The following KLHL30 variants were observed in gnomAD, a reference collection of about 807,000 sequenced individuals.
The protein encoded by KLHL30 is kelch like family member 30.
KLHL30 carries 55 observed loss-of-function variants against 55.0 expected under a neutral mutation model. The ratio of observed to expected loss-of-function variants is 1.00; its 90% CI spans 0.80 to 1.25. KLHL30 has a LOEUF of 1.25. Ranked by LOEUF, KLHL30 falls within the 50% of genes most tolerant of loss-of-function variation. KLHL30 has a pLI of 0.00. For missense variants in KLHL30, 786 were observed against 811.6 expected (o/e 0.97, Z 0.38); for synonymous variants, 356 against 372.6 (o/e 0.96, Z 0.51).
intron 3 of KLHL30, 37 bp from the exon 4 acceptor site, chr2:238,144,857 AGGGAGCCT>A (rs1322913683): frequency 6.8e-7 from 1 of 1,459,936 alleles, no homozygotes; most frequent in Non-Finnish European, 9.5e-7. Flanking sequence ...CCACCCCAGC[AGGGAGCCT>A]GGCAGCCTGA....
In KLHL30 at chr2:238,144,936, T is replaced by C; in HGVS notation, c.942T>C (p.Tyr314=). Reference sequence around the variant, plus strand: ...TGGCACTTCCAGACTTCCCCGACTATCACAAGTGGGGTTTCTCCCTGGCGG... The same window carrying C: ...TGGCACTTCCAGACTTCCCCGACTACCACAAGTGGGGTTTCTCCCTGGCGG... ...RWMALPDFPD[Y]HKWGFSLAAL... Residue 314 remains tyrosine (Y), a synonymous_variant, in exon 4 of 8, where the codon TAT becomes TAC. Coordinates refer to ENST00000409223, the MANE Select transcript of KLHL30 (RefSeq NM_198582.4). 6.2e-7 allele frequency: 1 copy of C among 1,611,718 alleles called. No homozygotes were observed. The highest frequency in any genetic ancestry group is 8.5e-7 in the Non-Finnish European group (1 of 1,179,102).
chr2:238,139,982 G>A (rs778116402), intron 1 of KLHL30, among the ~76,000 whole-genome samples: 1 of 152,242 alleles, frequency 6.6e-6, no homozygotes, highest in African/African-American at 2.4e-5. Context: ...CCTTTGGCTG[G>A]CCGTTTCTGT....
intron 4 of KLHL30, among the ~76,000 whole-genome samples, chr2:238,145,462 G>T (rs535627253): frequency 3.3e-5 from 5 of 152,292 alleles, no homozygotes; most frequent in African/African-American, 1.2e-4. Flanking sequence ...GCTGATGGGG[G>T]CTTGAAACCA....
At position 238,142,918 on chromosome 2, in the gene KLHL30, C is replaced by T; in HGVS notation, c.894C>T (p.Tyr298=). Residue 298 remains tyrosine (Y), a synonymous_variant, in exon 3 of 8, where the codon TAC becomes TAT. Transcript: ENST00000409223. ...CCGGCCTTGGGAACTTTGCCTTCTA[C>T]AACAGCAAGGCCAGTGAGTACCCCT... ...PTPGLGNFAF[Y]NSKAKRWMAL... 11 of 1,506,852 alleles carry T rather than the reference C, an allele frequency of 7.3e-6. No homozygotes were observed. Among genetic ancestry groups the T allele is most frequent in the Non-Finnish European group, 9.6e-6 (11 of 1,140,864 alleles). The allele number at this position is 1,506,852 out of a possible 1,614,324, so 93.3% of individuals were successfully genotyped here.
chr2:238,151,125 C>T lies in KLHL30; in HGVS notation c.*60C>T, dbSNP rs1397680435. 4.1e-5 allele frequency: 62 copies of T among 1,519,038 alleles called. No individual in the cohort carries two copies. The highest frequency in any genetic ancestry group is 2.2e-4 in the South Asian group (18 of 80,182). The allele number at this position is 1,519,038 out of a possible 1,614,324, so 94.1% of individuals were successfully genotyped here. ...AGCGGCCCCTCATCAGCCTGTGGAA[C>T]GGCCCCTTTCATTTTCGCTTATTTG... On this transcript the variant is annotated 3_prime_UTR_variant, in exon 8 of 8. Coordinates refer to ENST00000409223, the MANE Select transcript of KLHL30 (RefSeq NM_198582.4).
In KLHL30 at chr2:238,140,861, C is replaced by T. The variant is rs753559325; in HGVS notation, c.107C>T (p.Thr36Ile). 1.2e-6 allele frequency: 2 copies of T among 1,611,100 alleles called. No individual in the cohort carries two copies. Among genetic ancestry groups the T allele is most frequent in the Admixed American group, 3.3e-5 (2 of 59,940 alleles). The change falls in exon 2 of 8, where the codon ACA becomes ATA. Residue 36 changes from threonine (T) to isoleucine (I), a missense_variant. Coordinates refer to ENST00000409223, the MANE Select transcript of KLHL30 (RefSeq NM_198582.4). The stretch of plus-strand genomic sequence containing the variant: ...TCTCAGCCCAAGCTGGCCGACGTCA[C>T]ACTGCTGGTGGGCGGCCGGGAGCTG... ...LRSQPKLADV[T>I]LLVGGRELPC... is the part of the protein sequence containing the mutation.
chr2:238,145,881 A>C, intron 5 of KLHL30, 49 bp downstream of exon 5: 42 of 1,507,280 alleles, frequency 2.8e-5, no homozygotes, highest in Non-Finnish European at 3.3e-5. Context: ...CTAGCCTCTC[A>C]TCCCTGCAGC....
intron 7 of KLHL30, 81 bp downstream of exon 7, chr2:238,149,233 A>G: frequency 6.4e-7 from 1 of 1,562,230 alleles, no homozygotes; most frequent in Admixed American, 1.7e-5. Context: ...GAAGTGAGGG[A>G]TGGGGTGCCA....
chr2:238,148,972 C>A (rs1223118215), intron 6 of KLHL30, 35 bp from the exon 7 acceptor site: 4 of 1,557,960 alleles, frequency 2.6e-6, no homozygotes, highest in Non-Finnish European at 3.5e-6. Flanking sequence ...TCTGGCAACC[C>A]TGGTGACGGT....
chr2:238,152,326 G>T lies in KLHL30; in HGVS notation c.*1261G>T, dbSNP rs1311928511. ...AGCCTCTTGAGCTTCTGTAGGTAGG[G>T]ATCTGCTTTGCTCCCAGACCTGCCT... On this transcript the variant is annotated 3_prime_UTR_variant, in exon 8 of 8. Coordinates refer to ENST00000409223, the MANE Select transcript of KLHL30 (RefSeq NM_198582.4). 4.2e-5 allele frequency: 17 copies of T among 409,504 alleles called. No individual in the cohort carries two copies. The highest frequency in any genetic ancestry group is 5.6e-5 in the Non-Finnish European group (17 of 305,038). 25.4% of individuals were successfully genotyped at this position (409,504 alleles called of 1,614,324 possible).
intron 4 of KLHL30, among the ~76,000 whole-genome samples, 200 bp from the exon 5 acceptor site, chr2:238,145,477 T>C (rs926155550): frequency 2.0e-5 from 3 of 152,142 alleles, no homozygotes; most frequent in South Asian, 2.1e-4. Context: ...AAACCACCGA[T>C]TTTGTCGTCC....
In KLHL30 at chr2:238,150,970, G is replaced by C; in HGVS notation, c.1642G>C (p.Ala548Pro). 1.3e-6 allele frequency: 2 copies of C among 1,588,638 alleles called. No individual in the cohort carries two copies. Among genetic ancestry groups the C allele is most frequent in the Admixed American group, 3.5e-5 (2 of 56,402 alleles). ...TVRDTWTRHG[A>P]LPRLWLYHGA... The stretch of plus-strand genomic sequence containing the variant: ...TCGGGACACCTGGACCCGCCACGGC[G>C]CCCTGCCCCGGCTCTGGCTCTACCA... Residue 548 changes from alanine (A) to proline (P), a missense_variant, in exon 8 of 8, where the codon GCC becomes CCC. Transcript: ENST00000409223.
chr2:238,143,082 C>T (rs1176371306), intron 3 of KLHL30, among the ~76,000 whole-genome samples, 151 bp downstream of exon 3: 2 of 152,210 alleles, frequency 1.3e-5, no homozygotes, highest in Admixed American at 6.5e-5. Context: ...GTGGGCCTCA[C>T]CTGGGGGCTG....
chr2:238,145,253 G>C (rs1438447876), intron 4 of KLHL30, among the ~76,000 whole-genome samples: 1 of 152,240 alleles, frequency 6.6e-6, no homozygotes, highest in Non-Finnish European at 1.5e-5. Flanking sequence ...TGCCACGCTG[G>C]CGTGGCTGCT....
chr2:238,148,125 G>A (rs1031544581), intron 6 of KLHL30, 103 bp downstream of exon 6: 7 of 1,158,994 alleles, frequency 6.0e-6, no homozygotes, highest in African/African-American at 1.6e-5. Flanking sequence ...GAGGATAGAC[G>A]GGGCCCGGGG....
chr2:238,140,454 C>T (rs35752423), intron 1 of KLHL30, among the ~76,000 whole-genome samples: 37,542 of 152,082 alleles, frequency 0.25, 4,938 homozygotes, highest in African/African-American at 0.34. Flanking sequence ...GGGTAGGTCT[C>T]CCACCCTCTC....
Position 238,140,802 on chromosome 2 carries a change from C to G in KLHL30, c.48C>G (p.Ala16=), listed in dbSNP as rs1019608424. ...TGGATTTCCACCTGCCCTCGCATGCCCAGGACATGCTGGATGGCCTGCAGC... is the reference window on the plus strand; with the variant it reads ...TGGATTTCCACCTGCCCTCGCATGCGCAGGACATGCTGGATGGCCTGCAGC... ...DDLDFHLPSH[A]QDMLDGLQRL... Residue 16 remains alanine (A), a synonymous_variant, in exon 2 of 8, where the codon GCC becomes GCG. Transcript: ENST00000409223. 3.1e-6 allele frequency: 5 copies of G among 1,593,938 alleles called. No homozygotes were observed. In the South Asian group the frequency reaches 4.5e-5, roughly 14 times the overall value.
chr2:238,145,051 C>T, intron 4 of KLHL30, 63 bp downstream of exon 4: 1 of 1,295,056 alleles, frequency 7.7e-7, no homozygotes, highest in Non-Finnish European at 1.1e-6. Context: ...CTCAGTGCAA[C>T]TCCCCGCACT....
rs2106310753 is a variant in KLHL30 at position 238,141,410 on chromosome 2, T to C, written c.656T>C (p.Leu219Pro). 2 of 1,579,890 alleles carry C rather than the reference T, an allele frequency of 1.3e-6. No individual in the cohort carries two copies. Among genetic ancestry groups the C allele is most frequent in the South Asian group, 2.3e-5 (2 of 88,182 alleles). ...QARAAHLPEL[L>P]SLVHLDAVPR... is the part of the protein sequence containing the mutation. The stretch of plus-strand genomic sequence containing the variant: ...CGGGCCGCCCACCTGCCCGAGCTGC[T>C]CAGCCTAGTGCACCTGGACGCCGTG... The change falls in exon 2 of 8, where the codon CTC becomes CCC. Residue 219 changes from leucine (L) to proline (P), a missense_variant. Physicochemically the swap from Leu to Pro is moderately conservative, Grantham distance 98. Coordinates refer to ENST00000409223, the MANE Select transcript of KLHL30 (RefSeq NM_198582.4).
Sources: allele counts gnomAD v4.1 joint callset (sites outside exome capture counted in the v4.1 genomes callset), GRCh38; gene constraint gnomAD v4.1.1; transcripts MANE v1.5; gene names NCBI Gene and HGNC (gene_info 2026-07-23, HGNC 2026-07-21).